Variants in ENTPD5 observed in about 807,000 individuals in gnomAD.
The protein encoded by ENTPD5 is ectonucleoside triphosphate diphosphohydrolase 5 (inactive).
ENTPD5 carries 49 observed loss-of-function variants against 60.2 expected under a neutral mutation model. That is an observed-to-expected ratio of 0.81 (90% confidence interval 0.65 to 1.03). The LOEUF (loss-of-function observed/expected upper bound fraction) is 1.03. ENTPD5 is among the 50% of genes least tolerant of loss of function. ENTPD5 has a pLI of 0.00. For missense variants in ENTPD5, 480 were observed against 507.6 expected, an observed-to-expected ratio of 0.95 and a Z score of 0.52; for synonymous variants, 187 against 185.4, an observed-to-expected ratio of 1.01 and a Z score of -0.07.
chr14:74,013,426 A>G (rs1566773447), intron 2 of ENTPD5, among the ~76,000 whole-genome samples: 1 of 152,234 alleles, frequency 6.6e-6, no homozygotes. Context: ...CATGTAGCCC[A>G]GGATGGTTTT....
chr14:73,956,249 A>G (rs1162184239), downstream of ENTPD5: 4 of 333,080 alleles, frequency 1.2e-5, no homozygotes, highest in Non-Finnish European at 2.4e-5. Flanking sequence ...AATGGCGTGA[A>G]CCCAGGAGGT....
intron 2 of ENTPD5, among the ~76,000 whole-genome samples, chr14:74,014,386 C>G (rs371886466): frequency 0.015 from 2,252 of 149,238 alleles, 60 homozygotes; most frequent in African/African-American, 0.051. Context: ...TTACTCCCCC[C>G]CCCCACAAAA....
chr14:73,967,656 C>T (rs1274667355), intron 15 of ENTPD5, among the ~76,000 whole-genome samples: 1 of 151,740 alleles, frequency 6.6e-6, no homozygotes, highest in East Asian at 1.9e-4. Context: ...AAAAATTAGA[C>T]AAGAGTGGTG....
At chr14:74,000,788 CA>C (rs1183505016) in intron 3 of ENTPD5, among the ~76,000 whole-genome samples, 1 of 151,030 alleles carries the variant, frequency 6.6e-6, no homozygotes, top group African/African-American at 2.4e-5. Flanking sequence ...AAAACAACAA[CA>C]AAAAAAATGA....
rs780875562 is a variant in ENTPD5, at chr14:73,983,064, C to A, written c.395G>T (p.Gly132Val). Residue 132 changes from glycine (G) to valine (V), a missense_variant, in exon 6 of 16, where the codon GGA becomes GTA. Transcript: ENST00000334696. ...TTTGTGTTCTGGCAGTAAGCGTAGT[C>A]CTGCTGTTGCCTTTAGGACCACTGG... ...KTPVVLKATA[G>V]LRLLPEHKAK... 6.2e-7 allele frequency: 1 copy of A among 1,614,142 alleles called. No homozygotes were observed. Among genetic ancestry groups the A allele is most frequent in the South Asian group, 1.1e-5 (1 of 91,068 alleles).
At chr14:73,971,957 CA>C (rs1566712611) in intron 13 of ENTPD5, 49 bp from the exon 14 acceptor site, 1 of 1,136,206 alleles carries the variant, frequency 8.8e-7, no homozygotes, top group Non-Finnish European at 1.3e-6. Context: ...TTCAAGGAAG[CA>C]TAAGGAAATT....
intron 3 of ENTPD5, among the ~76,000 whole-genome samples, chr14:73,998,742 A>G (rs75374056): frequency 0.021 from 3,135 of 152,248 alleles, 112 homozygotes; most frequent in African/African-American, 0.071. Flanking sequence ...GAATTAGGAC[A>G]GGCAAGGAGT....
intron 5 of ENTPD5, among the ~76,000 whole-genome samples, chr14:73,985,428 G>A (rs1165981650): frequency 2.0e-5 from 3 of 152,098 alleles, no homozygotes; most frequent in African/African-American, 2.4e-5. Context: ...TTTAATGACC[G>A]CCATTCTAAC....
intron 14 of ENTPD5, 73 bp downstream of exon 14, chr14:73,971,779 A>G: frequency 2.1e-6 from 2 of 953,178 alleles, no homozygotes; most frequent in South Asian, 1.3e-5. Flanking sequence ...GAGGTGCTTT[A>G]GGTCACTTTA....
Position 73,986,878 on chromosome 14 carries a change from A to T in ENTPD5, c.233T>A (p.Leu78Gln). Residue 78 changes from leucine to glutamine, a missense_variant, in exon 5 of 16, where the codon CTA becomes CAA. Physicochemically the swap from Leu to Gln is moderately radical, Grantham distance 113. Transcript: ENST00000334696. ...CACAGAATCAAAAACTTCCCCTTCT[A>T]GAATTGGAAGCTGTCCTATTTTGTC... Reference protein sequence around the residue: ...VQKMPGQLPILEGEVFDSVKP... With the variant: ...VQKMPGQLPIQEGEVFDSVKP... 6.2e-6 allele frequency: 10 copies of T among 1,614,074 alleles called. No individual in the cohort carries two copies. The highest frequency in any genetic ancestry group is 8.5e-6 in the Non-Finnish European group (10 of 1,179,926).
intron 3 of ENTPD5, among the ~76,000 whole-genome samples, chr14:74,004,620 C>T (rs906482942): frequency 6.6e-6 from 1 of 152,172 alleles, no homozygotes; most frequent in Admixed American, 6.5e-5. Context: ...AGATGGCTCA[C>T]TCAATGGTTG....
intron 3 of ENTPD5, among the ~76,000 whole-genome samples, chr14:74,004,703 T>A (rs950737581): frequency 1.3e-5 from 2 of 151,122 alleles, no homozygotes; most frequent in African/African-American, 4.9e-5. Flanking sequence ...GCTGCTTGAA[T>A]GTCTTTATAA....
At chr14:73,975,098 T>C (rs2057385242) in intron 10 of ENTPD5, 113 bp from the exon 11 acceptor site, 2 of 826,514 alleles carry the variant, frequency 2.4e-6, no homozygotes, top group Non-Finnish European at 2.0e-6. Flanking sequence ...ATGAAAACCT[T>C]GTTCTGTCTG....
At chr14:74,003,531 T>C in intron 3 of ENTPD5, 7 of 846,304 alleles carry the variant, frequency 8.3e-6, no homozygotes, top group Non-Finnish European at 1.3e-5. Flanking sequence ...GAATGCCAGA[T>C]GCTGGGGATG....
chr14:74,009,173 A>C (rs2058769167), intron 3 of ENTPD5: 1 of 152,192 alleles, frequency 6.6e-6, no homozygotes, highest in Non-Finnish European at 1.5e-5. Flanking sequence ...TTTCTTGCCC[A>C]TTCATTAAGA....
chr14:73,988,000 G>C lies in ENTPD5; in HGVS notation c.103C>G (p.Leu35Val). The change falls in exon 4 of 16, where the codon CTG becomes GTG. Residue 35 changes from leucine to valine, a missense_variant. Coordinates refer to ENST00000334696, the MANE Select transcript of ENTPD5 (RefSeq NM_001249.5). ...ACATTGATGGGGCACATGGAAGACA[G>C]GAAGATACCCTCAAACCAAGTCTGC... ...NQQTWFEGIF[L>V]SSMCPINVSA... 1 of 1,614,164 alleles carries C rather than the reference G, an allele frequency of 6.2e-7. No individual in the cohort carries two copies. Among genetic ancestry groups the C allele is most frequent in the African/African-American group, 1.3e-5 (1 of 75,050 alleles).
In ENTPD5 at chr14:73,988,143, G is replaced by A. The variant is rs1224441530; in HGVS notation, c.-41C>T. 1.3e-6 allele frequency: 2 copies of A among 1,575,818 alleles called. No homozygotes were observed. Among genetic ancestry groups the A allele is most frequent in the African/African-American group, 1.3e-5 (1 of 74,236 alleles). On this transcript the variant is annotated 5_prime_UTR_variant, in exon 4 of 16. Transcript: ENST00000334696. ...TGGCTGGGTGGAGGCTTTTGTTGCA[G>A]AAGCAATCCTGCTCGCACACCTGCA...
intron 4 of ENTPD5, 38 bp downstream of exon 4, chr14:73,987,848 G>T: frequency 6.3e-7 from 1 of 1,596,868 alleles, no homozygotes; most frequent in Non-Finnish European, 8.6e-7. Flanking sequence ...CTAAAGTGTG[G>T]ATTTACAGAC....
downstream of ENTPD5, chr14:73,961,694 C>G (rs774935324): frequency 6.2e-6 from 10 of 1,612,700 alleles, no homozygotes; most frequent in Non-Finnish European, 7.6e-6. Context: ...GGAAGAAAAC[C>G]TTATTATTGG....
Sources: allele counts gnomAD v4.1 joint callset (sites outside exome capture counted in the v4.1 genomes callset), GRCh38; gene constraint gnomAD v4.1.1; transcripts MANE v1.5; gene names NCBI Gene and HGNC (gene_info 2026-07-23, HGNC 2026-07-21).